Variants in PTPRN2 observed in about 807,000 individuals in gnomAD.
The protein encoded by PTPRN2 is receptor-type tyrosine-protein phosphatase N2.
In PTPRN2, 74 loss-of-function variants were observed where a neutral mutation model predicts 118.8. The observed-to-expected ratio is 0.62, with a 90% CI of 0.52 to 0.76. The LOEUF is 0.76. Ranked by LOEUF, PTPRN2 falls within the 30% of genes least tolerant of loss-of-function variation. PTPRN2 has a pLI of 0.00. For synonymous variants in PTPRN2, 641 were observed against 608.0 expected (o/e 1.05, Z -0.80); for missense variants, 1,481 against 1,394.4 (o/e 1.06, Z -0.99).
rs555644852 is a variant in PTPRN2, at chr7:157,560,497, C to T, written c.2902+8405G>A. On this transcript the variant is annotated intron_variant, in intron 21 of 22. Transcript: ENST00000389418. The surrounding 1 kb of genome is among the most constrained non-coding windows in gnomAD (Gnocchi z 6.7). ...GACCACTGCTCCAACCAGCGTTCGTCGTCAGCCCCTTACACGGGACAGGGC... is the reference window on the plus strand; with the variant it reads ...GACCACTGCTCCAACCAGCGTTCGTTGTCAGCCCCTTACACGGGACAGGGC... 4.3e-4 allele frequency among the ~76,000 whole-genome samples: 66 copies of T among 152,296 alleles called. 1 individual carries two copies. Among genetic ancestry groups the T allele is most frequent in the Admixed American group, 1.1e-3 (17 of 15,306 alleles).
intron 1 of PTPRN2, 127 bp from the exon 2 acceptor site, chr7:158,489,912 CTTT>C: frequency 1.1e-6 from 1 of 880,614 alleles, no homozygotes; most frequent in Non-Finnish European, 1.7e-6. Flanking sequence ...TCCGACCCGG[CTTT>C]TCCGAGATGG....
intron 3 of PTPRN2, among the ~76,000 whole-genome samples, chr7:158,268,644 C>T (rs1375692004): frequency 7.2e-6 from 1 of 139,650 alleles, no homozygotes; most frequent in East Asian, 2.2e-4. Flanking sequence ...CAGCCGCACA[C>T]ACACAGGGCG....
intron 3 of PTPRN2, among the ~76,000 whole-genome samples, chr7:158,212,385 T>C (rs929773842): frequency 6.6e-6 from 1 of 152,162 alleles, no homozygotes; most frequent in Non-Finnish European, 1.5e-5. Flanking sequence ...AGAGTATAAC[T>C]GGATTATTTG....
At chr7:158,582,568 A>T (rs1828685555) in intron 1 of PTPRN2, among the ~76,000 whole-genome samples, 1 of 151,820 alleles carries the variant, frequency 6.6e-6, no homozygotes, top group East Asian at 1.9e-4. Context: ...AAAAAAAAAA[A>T]TTCATTTTTA....
intron 6 of PTPRN2, among the ~76,000 whole-genome samples, chr7:158,156,557 G>A (rs1281490251): frequency 2.0e-5 from 3 of 152,226 alleles, no homozygotes; most frequent in African/African-American, 7.2e-5. Flanking sequence ...CAGTTACCTC[G>A]AAAAGTTCTA....
chr7:158,152,610 C>G (rs1238859790), intron 6 of PTPRN2, among the ~76,000 whole-genome samples: 3 of 152,190 alleles, frequency 2.0e-5, no homozygotes, highest in Non-Finnish European at 2.9e-5. Context: ...TCCATCTCCA[C>G]AGACCTAGGT....
chr7:157,840,290 T>C (rs1808306672), intron 12 of PTPRN2, among the ~76,000 whole-genome samples: 1 of 131,792 alleles, frequency 7.6e-6, no homozygotes, highest in Non-Finnish European at 1.5e-5. Context: ...TGTGTGACCG[T>C]GTGACTGTGT....
chr7:158,478,271 A>C (rs557941352), intron 2 of PTPRN2, among the ~76,000 whole-genome samples: 5 of 152,344 alleles, frequency 3.3e-5, no homozygotes, highest in Middle Eastern at 3.4e-3. Context: ...CTGCAGGTGC[A>C]CTGCAGTGGA....
rs549932071 is a variant in PTPRN2 at position 157,831,048 on chromosome 7, G to A, written c.1788+67625C>T. ...GCATGACTGAGAGCTCAAAGTTGGT[G>A]ACTCTGGAGGAAGAGGGTGCAGGTG... On this transcript the variant is annotated intron_variant, in intron 12 of 22. Coordinates refer to ENST00000389418, the MANE Select transcript of PTPRN2 (RefSeq NM_002847.5). This position sits in a 1 kb window ranked among gnomAD's most constrained non-coding sequence, Gnocchi z 4.8. Among the ~76,000 whole-genome samples, 3 of 152,354 alleles carry A rather than the reference G, an allele frequency of 2.0e-5. No homozygotes were observed. The highest frequency in any genetic ancestry group is 7.2e-5 in the African/African-American group (3 of 41,590).
chr7:158,502,957 TACTGTGTCCATCAGCC>T (rs1354396106), intron 1 of PTPRN2, among the ~76,000 whole-genome samples: 6 of 111,754 alleles, frequency 5.4e-5, no homozygotes, highest in African/African-American at 1.8e-4. Context: ...GTCCATCAAC[TACTGTGTCCATCAGCC>T]ACTGTGTCCA....
In PTPRN2 at chr7:157,611,056, G is replaced by T. The variant is rs1351731800; in HGVS notation, c.2345-6981C>A. ...GCCCCACCCACCACTCAGGAGGCAC[G>T]CTGCCCACCGCTGAGCTGAATAACC... is the stretch of plus-strand genomic sequence containing the variant. On this transcript the variant is annotated intron_variant, in intron 15 of 22. Transcript: ENST00000389418. The surrounding 1 kb of genome is among the most constrained non-coding windows in gnomAD (Gnocchi z 5.9). Among the ~76,000 whole-genome samples the T allele has an allele frequency of 6.6e-6, 1 of 152,298 alleles. No individual in the cohort carries two copies. Among genetic ancestry groups the T allele is most frequent in the Non-Finnish European group, 1.5e-5 (1 of 68,020 alleles).
intron 3 of PTPRN2, among the ~76,000 whole-genome samples, chr7:158,218,277 G>A (rs563148985): frequency 6.6e-6 from 1 of 152,168 alleles, no homozygotes; most frequent in African/African-American, 2.4e-5. Context: ...AGAGACTGGG[G>A]GCCCTATTTT....
chr7:158,095,917 T>G (rs1462002078), intron 10 of PTPRN2, among the ~76,000 whole-genome samples: 5 of 152,168 alleles, frequency 3.3e-5, no homozygotes, highest in African/African-American at 1.2e-4. Context: ...GAAAGTGCCT[T>G]TACAAGAAAA....
chr7:158,218,025 G>T lies in PTPRN2; in HGVS notation c.278-12752C>A, dbSNP rs1003360815. ...AAGCAACTTGGAAAACATAGTTGAG[G>T]ATACAGTCCATGAAAATTTTCCCAA... On this transcript the variant is annotated intron_variant, in intron 3 of 22. Coordinates refer to ENST00000389418, the MANE Select transcript of PTPRN2 (RefSeq NM_002847.5). Among the ~76,000 whole-genome samples the T allele has an allele frequency of 9.2e-5, 14 of 152,256 alleles. 1 individual carries two copies. In the East Asian group the frequency reaches 2.7e-3, roughly 29 times the overall value.
At chr7:158,430,606 G>A (rs1417636872) in intron 2 of PTPRN2, among the ~76,000 whole-genome samples, 1 of 152,216 alleles carries the variant, frequency 6.6e-6, no homozygotes, top group African/African-American at 2.4e-5. Context: ...ACATTTGGTG[G>A]TGTCTCCACC....
intron 11 of PTPRN2, among the ~76,000 whole-genome samples, chr7:158,047,103 T>C (rs113568862): frequency 4.9e-4 from 75 of 152,322 alleles, no homozygotes; most frequent in African/African-American, 1.7e-3. Flanking sequence ...TCCTCTCTCA[T>C]GCAAACTCAT....
intron 2 of PTPRN2, among the ~76,000 whole-genome samples, chr7:158,346,475 T>G (rs1443398454): frequency 6.6e-6 from 1 of 152,264 alleles, no homozygotes; most frequent in African/African-American, 2.4e-5. Flanking sequence ...TCCTTCCTTT[T>G]TAAGACTGAA....
At chr7:158,311,840 CCTG>C (rs1801769882) in intron 3 of PTPRN2, among the ~76,000 whole-genome samples, 1 of 151,874 alleles carries the variant, frequency 6.6e-6, no homozygotes, top group African/African-American at 2.4e-5. Flanking sequence ...TGCACACACA[CCTG>C]CACACACACT....
intron 2 of PTPRN2, among the ~76,000 whole-genome samples, chr7:158,480,371 C>T (rs541297696): frequency 5.3e-5 from 8 of 152,296 alleles, no homozygotes; most frequent in Admixed American, 4.6e-4. Context: ...TGTGTTCTGA[C>T]TGCGTAACTG....
Sources: allele counts gnomAD v4.1 joint callset (sites outside exome capture counted in the v4.1 genomes callset), GRCh38; gene constraint gnomAD v4.1.1; non-coding constraint Gnocchi (gnomAD v3.1); transcripts MANE v1.5; gene names NCBI Gene and HGNC (gene_info 2026-07-23, HGNC 2026-07-21).